Variants in WWC2 observed in about 807,000 individuals in gnomAD.
WWC2 encodes WW and C2 domain containing 2.
Under a neutral mutation model 138.5 loss-of-function variants are expected in WWC2, and 101 were observed. The ratio of observed to expected loss-of-function variants is 0.73; its 90% confidence interval spans 0.62 to 0.86. WWC2 has a LOEUF of 0.86. WWC2 is among the 40% of genes least tolerant of loss of function. WWC2 has a pLI of 0.00. For missense variants in WWC2, 1,420 were observed against 1,419.4 expected, an observed-to-expected ratio of 1.00 and a Z score of -0.01; for synonymous variants, 558 against 538.4, an observed-to-expected ratio of 1.04 and a Z score of -0.50.
rs1330465295 is a variant in WWC2, at chr4:183,315,716, C to G, written c.3566C>G (p.Ala1189Gly). 1.9e-6 allele frequency: 3 copies of G among 1,612,620 alleles called. No individual in the cohort carries two copies. The highest frequency in any genetic ancestry group is 1.3e-5 in the African/African-American group (1 of 74,878). Residue 1189 changes from alanine (A) to glycine (G), a missense_variant, in exon 23 of 23, where the codon GCT (alanine) becomes GGT (glycine). Coordinates refer to ENST00000403733, the MANE Select transcript of WWC2 (RefSeq NM_024949.6). ...RAKISIPSLP[A>G]DDV ...AAGATAAGCATCCCATCCCTGCCAG[C>G]TGATGATGTGTGATTACATGACTTA...
chr4:183,297,833 A>G (rs996613554), intron 21 of WWC2, among the ~76,000 whole-genome samples: 1 of 152,246 alleles, frequency 6.6e-6, no homozygotes, highest in East Asian at 1.9e-4. Context: ...CCAGCACCCA[A>G]AGGCCATGCT....
chr4:183,105,895 A>AGTCC (rs1743340319), intron 1 of WWC2, among the ~76,000 whole-genome samples: 2 of 152,136 alleles, frequency 1.3e-5, no homozygotes, highest in Non-Finnish European at 2.9e-5. Flanking sequence ...GTCTTAAAAA[A>AGTCC]AAAAAAAAAA....
chr4:183,271,778 C>T (rs1013753339), intron 16 of WWC2, among the ~76,000 whole-genome samples: 6 of 152,082 alleles, frequency 3.9e-5, no homozygotes, highest in South Asian at 2.1e-4. Context: ...CTGAGGCAGG[C>T]GAATTGCTTT....
At chr4:183,120,374 G>A (rs953360212) in intron 1 of WWC2, among the ~76,000 whole-genome samples, 7 of 152,230 alleles carry the variant, frequency 4.6e-5, no homozygotes, top group South Asian at 2.1e-4. Context: ...ATTATGTTAG[G>A]GTTAAAATGC....
At chr4:183,304,352 G>T (rs1738957709) in intron 21 of WWC2, among the ~76,000 whole-genome samples, 1 of 152,054 alleles carries the variant, frequency 6.6e-6, no homozygotes, top group African/African-American at 2.4e-5. Flanking sequence ...AAAACTGCAG[G>T]AGTACCCAGT....
At chr4:183,216,890 A>C (rs1269533987) in intron 4 of WWC2, among the ~76,000 whole-genome samples, 1 of 152,206 alleles carries the variant, frequency 6.6e-6, no homozygotes, top group East Asian at 1.9e-4. Context: ...CATGGTACAC[A>C]ATACCATGAG....
intron 1 of WWC2, among the ~76,000 whole-genome samples, chr4:183,120,820 C>T (rs571449273): frequency 6.6e-6 from 1 of 152,264 alleles, no homozygotes; most frequent in Non-Finnish European, 1.5e-5. Flanking sequence ...GCAGTGGTGC[C>T]ATCATGGCTG....
At chr4:183,283,569 G>A (rs1738148900) in intron 18 of WWC2, among the ~76,000 whole-genome samples, 1 of 152,302 alleles carries the variant, frequency 6.6e-6, no homozygotes, top group South Asian at 2.1e-4. Context: ...TCATCAAGAG[G>A]CAGGTTTGGA....
At chr4:183,220,640 C>G (rs766873619) in intron 4 of WWC2, among the ~76,000 whole-genome samples, 5 of 151,754 alleles carry the variant, frequency 3.3e-5, no homozygotes, top group African/African-American at 1.2e-4. Flanking sequence ...TGAGACCATC[C>G]TGGCTAACAC....
chr4:183,307,075 A>G (rs956397147), intron 21 of WWC2, among the ~76,000 whole-genome samples: 5 of 152,174 alleles, frequency 3.3e-5, no homozygotes, highest in East Asian at 1.9e-4. Context: ...CTTAAGCTCA[A>G]TTGGAACATT....
chr4:183,238,616 C>T (rs1580093656), intron 4 of WWC2, among the ~76,000 whole-genome samples: 4 of 152,148 alleles, frequency 2.6e-5, no homozygotes, highest in Non-Finnish European at 4.4e-5. Flanking sequence ...CCCCTCACCC[C>T]GCTGTCCCTT....
intron 21 of WWC2, among the ~76,000 whole-genome samples, chr4:183,297,067 C>T (rs1006036551): frequency 6.6e-6 from 1 of 151,938 alleles, no homozygotes; most frequent in Non-Finnish European, 1.5e-5. Context: ...CTCAACCTCC[C>T]AGGTTCAAGC....
chr4:183,211,013 G>C (rs1160156132), intron 4 of WWC2, among the ~76,000 whole-genome samples: 4 of 152,144 alleles, frequency 2.6e-5, no homozygotes, highest in Non-Finnish European at 5.9e-5. Flanking sequence ...ACAGGCTTTT[G>C]CCTACATCTC....
chr4:183,283,875 T>TAGG lies in WWC2; in HGVS notation c.2884-349_2884-347dup, dbSNP rs200280256. Among the ~76,000 whole-genome samples, 58 of 152,362 alleles carry TAGG rather than the reference T, an allele frequency of 3.8e-4. No homozygotes were observed. In the East Asian group the frequency reaches 0.01, roughly 26 times the overall value. ...AGTTTAATGATGATATGTACCCAAATAGGATTCTTTATAGAATCACTTTAA... is the reference window on the plus strand; with the variant it reads ...AGTTTAATGATGATATGTACCCAAATAGGAGGATTCTTTATAGAATCACTTTAA... On this transcript the variant is annotated intron_variant, in intron 18 of 22. Transcript: ENST00000403733.
chr4:183,263,151 G>C (rs1223562160), intron 11 of WWC2, among the ~76,000 whole-genome samples: 2 of 152,198 alleles, frequency 1.3e-5, no homozygotes, highest in African/African-American at 4.8e-5. Context: ...TTCTGTGCCA[G>C]CGTTCCTTCC....
chr4:183,254,863 A>G (rs1475249567), intron 9 of WWC2, among the ~76,000 whole-genome samples: 1 of 151,560 alleles, frequency 6.6e-6, no homozygotes, highest in Non-Finnish European at 1.5e-5. Context: ...GCCATAATCC[A>G]GTTGCTTCAA....
rs1345264968 is a variant in WWC2, at chr4:183,111,719, G to T, written c.131+12097G>T. ...TTTTGTTTTTTTTTTTTTGATACCGGGTCTCACTCTGTTGCCCAGGCTGGA... is the reference window on the plus strand; with the variant it reads ...TTTTGTTTTTTTTTTTTTGATACCGTGTCTCACTCTGTTGCCCAGGCTGGA... On this transcript the variant is annotated intron_variant, in intron 1 of 22. Coordinates refer to ENST00000403733, the MANE Select transcript of WWC2 (RefSeq NM_024949.6). 6.0e-5 allele frequency among the ~76,000 whole-genome samples: 9 copies of T among 150,592 alleles called. No homozygotes were observed. In the South Asian group the frequency reaches 6.3e-4, roughly 11 times the overall value.
In WWC2 at chr4:183,240,076, A is replaced by T. The variant is rs1179945124; in HGVS notation, c.523-107A>T. ...GATAAAGTAAATGTTACTTTAACTC[A>T]TGGCTTTGTTTATGTGTTTGTTTAC... On this transcript the variant is annotated intron_variant, in intron 4 of 22. Transcript: ENST00000403733. 5.4e-6 allele frequency: 4 copies of T among 741,388 alleles called. No individual in the cohort carries two copies. In the African/African-American group the frequency reaches 7.2e-5, roughly 13 times the overall value. The allele number at this position is 741,388 out of a possible 1,614,324, so 45.9% of individuals were successfully genotyped here.
At chr4:183,192,154 T>C (rs1735008688) in intron 1 of WWC2, among the ~76,000 whole-genome samples, 1 of 152,268 alleles carries the variant, frequency 6.6e-6, no homozygotes, top group Non-Finnish European at 1.5e-5. Flanking sequence ...AGAATTCACA[T>C]GTGCTTGTGT....
Sources: allele counts gnomAD v4.1 joint callset (sites outside exome capture counted in the v4.1 genomes callset), GRCh38; gene constraint gnomAD v4.1.1; transcripts MANE v1.5; gene names NCBI Gene and HGNC (gene_info 2026-07-23, HGNC 2026-07-21).